DYNC2I1: variants seen among roughly 807,000 people sequenced by gnomAD.
DYNC2I1 encodes cytoplasmic dynein 2 intermediate chain 1.
In DYNC2I1, 89 loss-of-function variants were observed where a neutral mutation model predicts 133.4. The observed-to-expected ratio is 0.67, with a 90% CI of 0.56 to 0.80. The LOEUF is 0.80. DYNC2I1 is among the 30% of genes least tolerant of loss of function. DYNC2I1 has a pLI of 0.00. For missense variants in DYNC2I1, 1,291 were observed against 1,314.5 expected (o/e 0.98, Z 0.28); for synonymous variants, 504 against 484.3 (o/e 1.04, Z -0.54).
chr7:158,943,757 T>C (rs2730247), intron 24 of DYNC2I1, among the ~76,000 whole-genome samples: 2,439 of 152,268 alleles, frequency 0.016, 29 homozygotes, highest in Non-Finnish European at 0.025. Flanking sequence ...CTTAGGGGCA[T>C]CATGGCTTTC....
intron 8 of DYNC2I1, among the ~76,000 whole-genome samples, chr7:158,894,317 GA>G (rs771541523): frequency 6.6e-6 from 1 of 151,932 alleles, no homozygotes; most frequent in East Asian, 1.9e-4. Context: ...ACTAGTCCAG[GA>G]AAAAAACAAA....
At chr7:158,840,509 G>A in the DYNC2I1 span, among the ~76,000 whole-genome samples, 1 of 152,244 alleles carries the variant, frequency 6.6e-6, no homozygotes, top group African/African-American at 2.4e-5. Flanking sequence ...GGAGGTTGCA[G>A]TGAGCTGAGA....
At chr7:158,853,504 G>A (rs72505590), upstream of DYNC2I1, among the ~76,000 whole-genome samples, 935 of 152,208 alleles carry the variant, frequency 6.1e-3, 63 homozygotes, top group East Asian at 0.13. Flanking sequence ...ACAGTCTTTC[G>A]TTTTAGACCT....
At chr7:158,875,256 G>A (rs953856949) in intron 3 of DYNC2I1, among the ~76,000 whole-genome samples, 3 of 151,882 alleles carry the variant, frequency 2.0e-5, no homozygotes, top group South Asian at 2.1e-4. Flanking sequence ...CACGACGCCC[G>A]GCTAATTTTT....
chr7:158,907,569 C>T (rs577854371), intron 11 of DYNC2I1, among the ~76,000 whole-genome samples: 15 of 151,840 alleles, frequency 9.9e-5, no homozygotes, highest in African/African-American at 2.9e-4. Flanking sequence ...CTTTTCCTTT[C>T]CCTTTCCCTT....
chr7:158,884,649 T>G, intron 6 of DYNC2I1, 30 bp downstream of exon 6: 1 of 1,610,094 alleles, frequency 6.2e-7, no homozygotes. Flanking sequence ...TGGTCGACCT[T>G]TACGTGTGCC....
intron 5 of DYNC2I1, among the ~76,000 whole-genome samples, chr7:158,884,073 C>G (rs989708553): frequency 1.4e-5 from 2 of 144,050 alleles, no homozygotes; most frequent in African/African-American, 5.1e-5. Context: ...GAGATGGAGT[C>G]TCGCTCTGTC....
upstream of DYNC2I1, among the ~76,000 whole-genome samples, chr7:158,853,095 G>A (rs1380360476): frequency 6.6e-6 from 1 of 152,230 alleles, no homozygotes; most frequent in Non-Finnish European, 1.5e-5. Flanking sequence ...CTGAGAGACA[G>A]GACAGATCCA....
At chr7:158,907,603 T>C (rs918387396) in intron 11 of DYNC2I1, among the ~76,000 whole-genome samples, 3 of 151,852 alleles carry the variant, frequency 2.0e-5, no homozygotes, top group Admixed American at 2.0e-4. Context: ...CTTTCCCTTT[T>C]CTTTCTTTTA....
chr7:158,892,793 T>C (rs922818975), intron 8 of DYNC2I1, among the ~76,000 whole-genome samples: 1 of 151,910 alleles, frequency 6.6e-6, no homozygotes, highest in South Asian at 2.1e-4. Context: ...ATACAAAAAT[T>C]AGCTGGGTGT....
At chr7:158,928,813 A>G (rs2730240) in intron 20 of DYNC2I1, among the ~76,000 whole-genome samples, 128,028 of 151,876 alleles carry the variant, frequency 0.84, 54,100 homozygotes, top group East Asian at 0.95. Context: ...CACACCCAGG[A>G]TTCCGCCCCA....
intron 24 of DYNC2I1, among the ~76,000 whole-genome samples, chr7:158,942,588 T>C (rs995551067): frequency 2.6e-5 from 4 of 152,268 alleles, no homozygotes; most frequent in Admixed American, 6.5e-5. Context: ...CCATCATTAG[T>C]GTTCTGTGAG....
At chr7:158,884,046 A>ATTT (rs373885374) in intron 5 of DYNC2I1, among the ~76,000 whole-genome samples, 4 of 125,544 alleles carry the variant, frequency 3.2e-5, no homozygotes, top group Non-Finnish European at 3.4e-5. Flanking sequence ...TTAAAAAACA[A>ATTT]TTTTTTTTTT....
chr7:158,853,089 GAGAC>G (rs1383771906), upstream of DYNC2I1, among the ~76,000 whole-genome samples: 1 of 152,212 alleles, frequency 6.6e-6, no homozygotes, highest in Non-Finnish European at 1.5e-5. Context: ...GTCCCGCTGA[GAGAC>G]AGGACAGATC....
intron 14 of DYNC2I1, 28 bp downstream of exon 14, chr7:158,914,349 C>G (rs1449645514): frequency 7.0e-6 from 11 of 1,574,648 alleles, no homozygotes; most frequent in Non-Finnish European, 8.7e-6. Flanking sequence ...ATGTTGTGTT[C>G]TCTGTGTAAG....
chr7:158,873,256 A>T (rs1843042367), intron 3 of DYNC2I1, among the ~76,000 whole-genome samples: 1 of 152,178 alleles, frequency 6.6e-6, no homozygotes. Flanking sequence ...CAAAAATGTA[A>T]ACTAGCGCAT....
chr7:158,926,522 G>A, intron 19 of DYNC2I1, 59 bp downstream of exon 19: 2 of 1,577,972 alleles, frequency 1.3e-6, no homozygotes, highest in Non-Finnish European at 8.6e-7. Context: ...CTGGGTGGAG[G>A]TGGCGCCTGA....
intron 8 of DYNC2I1, among the ~76,000 whole-genome samples, chr7:158,899,049 C>T (rs1845996378): frequency 6.6e-6 from 1 of 151,896 alleles, no homozygotes; most frequent in African/African-American, 2.4e-5. Flanking sequence ...GTTCCTGGAC[C>T]CCCTGTGGAT....
intron 8 of DYNC2I1, among the ~76,000 whole-genome samples, chr7:158,892,746 G>A (rs1237027457): frequency 6.6e-6 from 1 of 152,022 alleles, no homozygotes; most frequent in African/African-American, 2.4e-5. Context: ...TTCGAGACCA[G>A]CCTGGCCAAC....
Sources: allele counts gnomAD v4.1 joint callset (sites outside exome capture counted in the v4.1 genomes callset), GRCh38; gene constraint gnomAD v4.1.1; transcripts MANE v1.5; gene names NCBI Gene and HGNC (gene_info 2026-07-23, HGNC 2026-07-21).